The following NELL1 variants were observed in gnomAD, a reference collection of about 807,000 sequenced individuals.
NELL1 encodes protein kinase C-binding protein NELL1.
NELL1 carries 76 observed loss-of-function variants against 107.4 expected under a neutral mutation model. The observed-to-expected ratio is 0.71, with a 90% CI of 0.59 to 0.86. The LOEUF (loss-of-function observed/expected upper bound fraction) is 0.86, where lower values mean the gene tolerates loss of function less well. Among genes scored for constraint, NELL1 ranks in the 40% least tolerant of loss-of-function variants. The pLI is 0.00. For synonymous variants in NELL1, 353 were observed against 341.2 expected (o/e 1.03, Z -0.38); for missense variants, 1,024 against 1,005.5 (o/e 1.02, Z -0.25).
chr11:20,876,131 G>A (rs866491383), intron 4 of NELL1, among the ~76,000 whole-genome samples: 1 of 152,196 alleles, frequency 6.6e-6, no homozygotes, highest in Admixed American at 6.5e-5. Context: ...TTTACAGACA[G>A]TTGTTAAGGA....
At chr11:21,063,494 T>A (rs1429016109) in intron 12 of NELL1, among the ~76,000 whole-genome samples, 1 of 152,166 alleles carries the variant, frequency 6.6e-6, no homozygotes, top group East Asian at 1.9e-4. Context: ...CCAGCCCCAA[T>A]CCTGACATTA....
intron 13 of NELL1, among the ~76,000 whole-genome samples, chr11:21,136,198 A>G (rs779272322): frequency 1.3e-5 from 2 of 152,144 alleles, no homozygotes; most frequent in Non-Finnish European, 2.9e-5. Context: ...AGAACATTTC[A>G]TTCAGAGGGA....
intron 7 of NELL1, among the ~76,000 whole-genome samples, chr11:20,923,744 T>C (rs1850430847): frequency 6.6e-6 from 1 of 152,210 alleles, no homozygotes; most frequent in Admixed American, 6.5e-5. Context: ...CAAGCGACAC[T>C]TGGAGTGGCA....
At chr11:20,947,518 A>G in intron 11 of NELL1, 83 bp downstream of exon 11, 1 of 983,268 alleles carries the variant, frequency 1.0e-6, no homozygotes, top group Middle Eastern at 2.1e-4. Flanking sequence ...GAATAGTATG[A>G]TAATAACATG....
intron 5 of NELL1, among the ~76,000 whole-genome samples, chr11:20,906,360 C>T (rs1453165149): frequency 2.0e-5 from 3 of 152,030 alleles, no homozygotes; most frequent in Non-Finnish European, 4.4e-5. Flanking sequence ...TAACAAAAAT[C>T]TCTCAATCAA....
chr11:20,830,819 G>A (rs964978590), intron 3 of NELL1, among the ~76,000 whole-genome samples: 2 of 152,022 alleles, frequency 1.3e-5, no homozygotes, highest in African/African-American at 4.8e-5. Flanking sequence ...CCAGTCTCAG[G>A]ATAGCGAGAA....
chr11:20,934,969 C>A (rs1462736264), intron 9 of NELL1, among the ~76,000 whole-genome samples: 2 of 152,184 alleles, frequency 1.3e-5, no homozygotes, highest in African/African-American at 2.4e-5. Context: ...TTGGTCTCTA[C>A]TTCTAATGTT....
rs537130780 is a variant in NELL1, at chr11:21,494,810, C to T, written c.1646-39564C>T. Among the ~76,000 whole-genome samples the T allele has an allele frequency of 3.9e-5, 6 of 152,018 alleles. No homozygotes were observed. In the South Asian group the frequency reaches 8.3e-4, roughly 21 times the overall value. ...AAACAACGTAGATAAATCTTATAAA[C>T]ATTGTTTTCATTGAAAAAAACAAGT... On this transcript the variant is annotated intron_variant, in intron 15 of 19. Coordinates refer to ENST00000357134, the MANE Select transcript of NELL1 (RefSeq NM_006157.5).
At chr11:21,422,181 G>A (rs1020555007) in intron 15 of NELL1, among the ~76,000 whole-genome samples, 1 of 151,746 alleles carries the variant, frequency 6.6e-6, no homozygotes, top group Non-Finnish European at 1.5e-5. Context: ...GACAAAGAGA[G>A]TTCAGTACCA....
At chr11:21,142,604 C>T (rs576918683) in intron 13 of NELL1, among the ~76,000 whole-genome samples, 73 of 152,278 alleles carry the variant, frequency 4.8e-4, no homozygotes, top group Non-Finnish European at 8.8e-4. Flanking sequence ...AGATCATGGC[C>T]GAGGTAGTGT....
intron 13 of NELL1, among the ~76,000 whole-genome samples, chr11:21,160,964 A>T (rs1051689404): frequency 6.7e-6 from 1 of 149,806 alleles, no homozygotes; most frequent in African/African-American, 2.5e-5. Flanking sequence ...TGGACTTGTT[A>T]CCTTAACTAT....
chr11:20,997,332 A>C (rs1852113445), intron 12 of NELL1, among the ~76,000 whole-genome samples: 1 of 152,336 alleles, frequency 6.6e-6, no homozygotes, highest in South Asian at 2.1e-4. Flanking sequence ...GACAAGATAC[A>C]GTAACTCAGT....
In NELL1 at chr11:21,313,851, A is replaced by C. The variant is rs888851147; in HGVS notation, c.1550-57002A>C. 2.0e-5 allele frequency among the ~76,000 whole-genome samples: 3 copies of C among 152,092 alleles called. No individual in the cohort carries two copies. In the East Asian group the frequency reaches 5.8e-4, roughly 29 times the overall value. ...ATTGAATTGTAATCCCTAGTATTGGAGGAGGGGCCTGGTGAGAGGTGATTG... is the reference window on the plus strand; with the variant it reads ...ATTGAATTGTAATCCCTAGTATTGGCGGAGGGGCCTGGTGAGAGGTGATTG... On this transcript the variant is annotated intron_variant, in intron 14 of 19. Transcript: ENST00000357134.
intron 13 of NELL1, among the ~76,000 whole-genome samples, chr11:21,147,575 G>A (rs1856009260): frequency 6.6e-6 from 1 of 152,002 alleles, no homozygotes; most frequent in Admixed American, 6.6e-5. Flanking sequence ...GCTCCCGCCT[G>A]TAATCCCAGC....
intron 12 of NELL1, among the ~76,000 whole-genome samples, chr11:21,089,380 A>G (rs1000181394): frequency 6.6e-6 from 1 of 152,248 alleles, no homozygotes; most frequent in Non-Finnish European, 1.5e-5. Context: ...AAAATTATCA[A>G]TTAGATTAGA....
At position 21,413,356 on chromosome 11, in the gene NELL1, G is replaced by C. The variant is rs756468301; in HGVS notation, c.1645+42408G>C. 1.7e-3 allele frequency among the ~76,000 whole-genome samples: 260 copies of C among 152,046 alleles called. 1 individual carries two copies. Among genetic ancestry groups the C allele is most frequent in the Middle Eastern group, 3.4e-3 (1 of 292 alleles). ...TGACACTCAAGGGTGCTGGGGGTGG[G>C]GGGGAGATATAGTAAATGTGGGCTT... On this transcript the variant is annotated intron_variant, in intron 15 of 19. Coordinates refer to ENST00000357134, the MANE Select transcript of NELL1 (RefSeq NM_006157.5).
In NELL1 at chr11:21,160,223, G is replaced by T. The variant is rs555505709; in HGVS notation, c.1426+46509G>T. Among the ~76,000 whole-genome samples the T allele has an allele frequency of 5.3e-5, 8 of 152,320 alleles. No homozygotes were observed. The East Asian group carries it at 1.4e-3, about 26-fold the overall frequency. On this transcript the variant is annotated intron_variant, in intron 13 of 19. Transcript: ENST00000357134. The stretch of plus-strand genomic sequence containing the variant: ...GGGGTAATTTAAAGTATCAAAAACT[G>T]CAGCGTTGTGCCATGTGGGAAACAC...
intron 12 of NELL1, among the ~76,000 whole-genome samples, chr11:21,021,984 A>G (rs1852712382): frequency 6.6e-6 from 1 of 151,996 alleles, no homozygotes; most frequent in South Asian, 2.1e-4. Context: ...ACATTGTAGG[A>G]TGTTTAGCAT....
intron 2 of NELL1, among the ~76,000 whole-genome samples, chr11:20,757,531 C>A (rs1856324350): frequency 6.6e-6 from 1 of 152,344 alleles, no homozygotes; most frequent in East Asian, 1.9e-4. Context: ...CATACCAGAG[C>A]ATCTGTTTCA....
Sources: allele counts gnomAD v4.1 joint callset (sites outside exome capture counted in the v4.1 genomes callset), GRCh38; gene constraint gnomAD v4.1.1; transcripts MANE v1.5; gene names NCBI Gene and HGNC (gene_info 2026-07-23, HGNC 2026-07-21).